SLC30A10: variants seen among roughly 807,000 people sequenced by gnomAD.
SLC30A10 encodes the protein calcium/manganese antiporter SLC30A10.
SLC30A10 carries 8 observed loss-of-function variants against 21.7 expected under a neutral mutation model. The ratio of observed to expected loss-of-function variants is 0.37; its 90% CI spans 0.22 to 0.67. The LOEUF is 0.67. SLC30A10 is among the 30% of genes least tolerant of loss of function. The pLI is 0.58. For missense variants in SLC30A10, 521 were observed against 642.5 expected (o/e 0.81, Z 2.04); for synonymous variants, 272 against 279.4 (o/e 0.97, Z 0.26).
chr1:219,932,782 C>G (rs1419264882), upstream of SLC30A10, among the ~76,000 whole-genome samples: 1 of 136,904 alleles, frequency 7.3e-6, no homozygotes, highest in Non-Finnish European at 1.5e-5. Context: ...GGTAGTGAGG[C>G]CAGGCGAGGT....
At chr1:219,929,201 C>T (rs1659926715), upstream of SLC30A10, among the ~76,000 whole-genome samples, 1 of 152,222 alleles carries the variant, frequency 6.6e-6, no homozygotes, top group South Asian at 2.1e-4. Context: ...CTATTACCCA[C>T]TCATGGCACA....
At position 219,927,835 on chromosome 1, in the gene SLC30A10, C is replaced by T; in HGVS notation, c.606G>A (p.Arg202=). 6.5e-7 allele frequency: 1 copy of T among 1,548,674 alleles called. No individual in the cohort carries two copies. Among genetic ancestry groups the T allele is most frequent in the Non-Finnish European group, 8.7e-7 (1 of 1,147,656 alleles). ...TLRGTSVERK[R]EKGATVFANV... ...TTGCGAACACGGTCGCCCCCTTCTC[C>T]CGCTTCCTTTCCACCGAGGTCCCCC... is the stretch of plus-strand genomic sequence containing the variant. The change falls in exon 1 of 4, where the codon CGG becomes CGA. Residue 202 remains arginine, a synonymous_variant. Transcript: ENST00000366926.
chr1:219,952,784 T>C (rs965898016), intron 1 of SLC30A10, among the ~76,000 whole-genome samples: 1 of 152,182 alleles, frequency 6.6e-6, no homozygotes, highest in African/African-American at 2.4e-5. Context: ...TAGCAGCCTC[T>C]GCACATTGGA....
At chr1:219,930,935 A>G (rs947572769), upstream of SLC30A10, among the ~76,000 whole-genome samples, 3 of 152,222 alleles carry the variant, frequency 2.0e-5, no homozygotes, top group African/African-American at 7.2e-5. Flanking sequence ...CACATGTGTG[A>G]TGGAATTACT....
In SLC30A10 at chr1:219,918,582, T is replaced by A. The variant is rs1398951708; in HGVS notation, c.719-88A>T. On this transcript the variant is annotated intron_variant, in intron 2 of 3. Transcript: ENST00000366926. The surrounding 1 kb of genome is among the most constrained non-coding windows in gnomAD (Gnocchi z 4.4). ...ACTTGGGTGTCCGGGTATATGAATA[T>A]CTGTTACCATTTGGAGTTTTTTGGT... 2 of 1,483,222 alleles carry A rather than the reference T, an allele frequency of 1.3e-6. No individual in the cohort carries two copies. The highest frequency in any genetic ancestry group is 1.4e-5 in the African/African-American group (1 of 71,096). The allele number at this position is 1,483,222 out of a possible 1,614,324, so 91.9% of individuals were successfully genotyped here.
chr1:219,952,637 C>T (rs1343667627), intron 1 of SLC30A10, among the ~76,000 whole-genome samples: 1 of 152,130 alleles, frequency 6.6e-6, no homozygotes, highest in Non-Finnish European at 1.5e-5. Context: ...TTCTCTCTAG[C>T]TAATTATTTT....
At chr1:219,924,482 G>A (rs1168083677) in intron 2 of SLC30A10, among the ~76,000 whole-genome samples, 2 of 152,164 alleles carry the variant, frequency 1.3e-5, no homozygotes, top group East Asian at 3.9e-4. Flanking sequence ...CTAACATTCT[G>A]TGATCCTTCC....
chr1:219,938,590 C>T (rs1660077484), intron 1 of SLC30A10, among the ~76,000 whole-genome samples: 1 of 152,116 alleles, frequency 6.6e-6, no homozygotes, highest in Admixed American at 6.6e-5. Flanking sequence ...CTGGGGTGGA[C>T]GATTAGGAAG....
intron 1 of SLC30A10, among the ~76,000 whole-genome samples, chr1:219,949,726 TGTACCCTAAA>T: frequency 6.6e-6 from 1 of 151,486 alleles, no homozygotes; most frequent in African/African-American, 2.4e-5. Context: ...ATTGTGCACA[TGTACCCTAAA>T]ACTTAAAGTA....
At chr1:219,952,957 GAAGT>G (rs368979391) in intron 1 of SLC30A10, among the ~76,000 whole-genome samples, 2 of 152,136 alleles carry the variant, frequency 1.3e-5, no homozygotes, top group African/African-American at 4.8e-5. Context: ...GACAACAAGA[GAAGT>G]AAGAGGTTAG....
intron 1 of SLC30A10, among the ~76,000 whole-genome samples, chr1:219,943,327 G>A (rs1205444144): frequency 6.6e-5 from 10 of 152,178 alleles, no homozygotes; most frequent in Non-Finnish European, 1.5e-4. Context: ...TGCTATCAGT[G>A]AAGTCATAAT....
At chr1:219,953,864 G>A (rs1424976280) in intron 1 of SLC30A10, among the ~76,000 whole-genome samples, 7 of 151,270 alleles carry the variant, frequency 4.6e-5, no homozygotes, top group Non-Finnish European at 8.8e-5. Flanking sequence ...CTGCCACCAC[G>A]CCCGGCTAAT....
intron 1 of SLC30A10, among the ~76,000 whole-genome samples, chr1:219,942,308 T>A (rs1316167869): frequency 6.6e-6 from 1 of 152,176 alleles, no homozygotes; most frequent in Non-Finnish European, 1.5e-5. Flanking sequence ...AGCCACATGA[T>A]CATGGATGTT....
chr1:219,928,971 C>T (rs1363321261), upstream of SLC30A10, among the ~76,000 whole-genome samples: 4 of 152,238 alleles, frequency 2.6e-5, no homozygotes, highest in African/African-American at 9.6e-5. This position sits in a 1 kb window ranked among gnomAD's most constrained non-coding sequence, Gnocchi z 6.3. Context: ...CGTACGTGCC[C>T]ATAGGCACCT....
intron 1 of SLC30A10, among the ~76,000 whole-genome samples, chr1:219,943,989 AC>A (rs774627397): frequency 2.6e-5 from 4 of 151,020 alleles, no homozygotes; most frequent in African/African-American, 4.9e-5. Flanking sequence ...AGTCCCAGCT[AC>A]TCTGGAAGCT....
rs281860286 is a variant in SLC30A10, at chr1:219,927,941, A to G, written c.500T>C (p.Phe167Ser). The G allele has an allele frequency of 6.5e-7, 1 of 1,538,164 alleles. No individual in the cohort carries two copies. Among genetic ancestry groups the G allele is most frequent in the Non-Finnish European group, 8.8e-7 (1 of 1,142,268 alleles). ...GTCCTCCGCGCCCTGAGGCCCCCCG[A>G]AAGCGCCGGGGACACAGCCCTCCGC... is the stretch of plus-strand genomic sequence containing the variant. ...QLAEGCVPGA[F>S]GGPQGAEDPR... is the part of the protein sequence containing the mutation. Residue 167 changes from phenylalanine to serine, a missense_variant, in exon 1 of 4, where the codon TTC (phenylalanine) becomes TCC (serine). Phe to Ser is a radical substitution (Grantham distance 155, BLOSUM62 -2). Coordinates refer to ENST00000366926, the MANE Select transcript of SLC30A10 (RefSeq NM_018713.3).
Position 219,927,870 on chromosome 1 carries a change from C to G in SLC30A10, c.571G>C (p.Val191Leu). 1 of 1,544,562 alleles carries G rather than the reference C, an allele frequency of 6.5e-7. No homozygotes were observed. The highest frequency in any genetic ancestry group is 2.6e-5 in the East Asian group (1 of 39,172). ...TCCACCGAGGTCCCCCGGAGGGTTA[C>G]GGCCGAGTCCGAGCCTGGGGCTGTC... ...DPTAPGSDSA[V>L]TLRGTSVERK... The change falls in exon 1 of 4, where the codon GTA (valine) becomes CTA (leucine). Residue 191 changes from valine to leucine, a missense_variant. Transcript: ENST00000366926.
intron 1 of SLC30A10, among the ~76,000 whole-genome samples, chr1:219,957,398 T>C (rs1324544854): frequency 1.3e-5 from 2 of 152,132 alleles, no homozygotes; most frequent in Non-Finnish European, 1.5e-5. Flanking sequence ...GTCCCCATAC[T>C]CAGTTATATA....
rs59792236 is a variant in SLC30A10 at position 219,912,170 on chromosome 1, CAAAAAAAAA to C, written c.*3270_*3278del. Among the ~76,000 whole-genome samples the C allele has an allele frequency of 4.0e-5, 3 of 74,698 alleles. No individual in the cohort carries two copies. The highest frequency in any genetic ancestry group is 5.5e-5 in the African/African-American group (1 of 18,270). 49.0% of individuals were successfully genotyped at this position (74,698 alleles called of 152,430 possible). A position where few individuals can be genotyped will look rare whatever the true frequency, so the allele number is the denominator to read the frequency against. On this transcript the variant is annotated 3_prime_UTR_variant, in exon 4 of 4. Transcript: ENST00000366926. ...CCACTGGAATTTGCTCTACCAATGG[CAAAAAAAAA>C]AAAAAAAAAAAAAAAAAGAACTAAA...
Sources: allele counts gnomAD v4.1 joint callset (sites outside exome capture counted in the v4.1 genomes callset), GRCh38; gene constraint gnomAD v4.1.1; non-coding constraint Gnocchi (gnomAD v3.1); transcripts MANE v1.5; gene names NCBI Gene and HGNC (gene_info 2026-07-23, HGNC 2026-07-21).